ENTREP2: variants seen among roughly 807,000 people sequenced by gnomAD.
ENTREP2 encodes the protein protein ENTREP2.
chr15:29,464,615 T>C, the ENTREP2 span, among the ~76,000 whole-genome samples: 1 of 152,172 alleles, frequency 6.6e-6, no homozygotes, highest in African/African-American at 2.4e-5. Context: ...AATAAGGTTA[T>C]GAGATTGGCA....
the ENTREP2 span, chr15:29,377,036 G>T: frequency 0.16 from 24,580 of 152,202 alleles, 2,101 homozygotes; most frequent in South Asian, 0.28. Context: ...TATGGAAGGA[G>T]TTGGGGGGAG....
At chr15:29,457,496 G>A in the ENTREP2 span, among the ~76,000 whole-genome samples, 6 of 152,198 alleles carry the variant, frequency 3.9e-5, no homozygotes, top group African/African-American at 1.4e-4. Context: ...CCCTGGCCCT[G>A]GTGCCTGCTG....
the ENTREP2 span, among the ~76,000 whole-genome samples, chr15:29,255,724 A>G: frequency 9.9e-5 from 15 of 152,104 alleles, no homozygotes; most frequent in African/African-American, 3.4e-4. Context: ...AATCATGGCC[A>G]GGCGCGGTGG....
At chr15:29,626,155 T>C in the ENTREP2 span, among the ~76,000 whole-genome samples, 1 of 152,220 alleles carries the variant, frequency 6.6e-6, no homozygotes, top group African/African-American at 2.4e-5. Context: ...AAAAATACAA[T>C]TGATTTTTCT....
At chr15:29,371,472 GCCT>G in the ENTREP2 span, among the ~76,000 whole-genome samples, 2 of 151,662 alleles carry the variant, frequency 1.3e-5, no homozygotes, top group Non-Finnish European at 2.9e-5. Context: ...ATGAAAGATG[GCCT>G]GATATTGAGT....
the ENTREP2 span, chr15:29,137,231 A>T: frequency 1.4e-6 from 2 of 1,451,326 alleles, no homozygotes; most frequent in African/African-American, 3.0e-5. Context: ...TATCTGGGAC[A>T]TCTTGTGTGG....
the ENTREP2 span, among the ~76,000 whole-genome samples, chr15:29,584,994 G>A: frequency 5.3e-5 from 4 of 75,290 alleles, no homozygotes; most frequent in South Asian, 1.6e-3. Context: ...CTCAAAGATC[G>A]ATGGATAGAT....
At chr15:29,651,439 T>C in the ENTREP2 span, among the ~76,000 whole-genome samples, 2 of 152,216 alleles carry the variant, frequency 1.3e-5, no homozygotes, top group African/African-American at 4.8e-5. Context: ...GCTGCCAAGA[T>C]GCCAGCTGCA....
the ENTREP2 span, among the ~76,000 whole-genome samples, chr15:29,389,436 G>A: frequency 3.0e-4 from 45 of 152,074 alleles, no homozygotes; most frequent in African/African-American, 1.0e-3. Context: ...CCCAATCCTG[G>A]AAACACTGAC....
chr15:29,319,471 C>G, the ENTREP2 span, among the ~76,000 whole-genome samples: 1 of 152,186 alleles, frequency 6.6e-6, no homozygotes, highest in African/African-American at 2.4e-5. Context: ...AGCATCTGTG[C>G]CCCTGGACTA....
chr15:29,457,117 C>T, the ENTREP2 span, among the ~76,000 whole-genome samples: 1 of 152,144 alleles, frequency 6.6e-6, no homozygotes, highest in Non-Finnish European at 1.5e-5. Flanking sequence ...ACTGCCTTCC[C>T]TAGAATTCTC....
the ENTREP2 span, among the ~76,000 whole-genome samples, chr15:29,159,450 T>C: frequency 6.6e-6 from 1 of 152,216 alleles, no homozygotes; most frequent in Non-Finnish European, 1.5e-5. Context: ...AGGGCCGGGT[T>C]GCTACTGCTA....
chr15:29,232,985 T>C, the ENTREP2 span, among the ~76,000 whole-genome samples: 1 of 152,236 alleles, frequency 6.6e-6, no homozygotes, highest in South Asian at 2.1e-4. Flanking sequence ...TTGAATAGTC[T>C]TCCTATCTCC....
the ENTREP2 span, chr15:29,234,345 C>T: frequency 6.3e-7 from 1 of 1,593,058 alleles, no homozygotes; most frequent in South Asian, 1.1e-5. Context: ...ATCTCTTGAC[C>T]ATCTTCACTG....
At chr15:29,315,297 A>T in the ENTREP2 span, among the ~76,000 whole-genome samples, 1 of 152,176 alleles carries the variant, frequency 6.6e-6, no homozygotes, top group African/African-American at 2.4e-5. Flanking sequence ...TCCATAAAAG[A>T]TCAATAAGGA....
chr15:29,479,579 A>G, the ENTREP2 span, among the ~76,000 whole-genome samples: 1 of 151,834 alleles, frequency 6.6e-6, no homozygotes, highest in Non-Finnish European at 1.5e-5. Flanking sequence ...CCTAAGGGCT[A>G]CTGTGAATAG....
At chr15:29,204,672 G>C in the ENTREP2 span, among the ~76,000 whole-genome samples, 1 of 152,150 alleles carries the variant, frequency 6.6e-6, no homozygotes, top group East Asian at 1.9e-4. Context: ...AGGTAAAAAT[G>C]CAGAGTGCCA....
chr15:29,138,038 GTAC>G, the ENTREP2 span, among the ~76,000 whole-genome samples: 1 of 152,022 alleles, frequency 6.6e-6, no homozygotes, highest in Non-Finnish European at 1.5e-5. Flanking sequence ...CTGTGCTGAA[GTAC>G]TTATTTAGCT....
At chr15:29,154,867 G>A in the ENTREP2 span, among the ~76,000 whole-genome samples, 8 of 152,248 alleles carry the variant, frequency 5.3e-5, no homozygotes, top group Admixed American at 5.2e-4. Flanking sequence ...AAACAGTAAA[G>A]AAGTGTGATT....
Sources: allele counts gnomAD v4.1 joint callset (sites outside exome capture counted in the v4.1 genomes callset), GRCh38; gene constraint gnomAD v4.1.1; transcripts MANE v1.5; gene names NCBI Gene and HGNC (gene_info 2026-07-23, HGNC 2026-07-21).